The following PTPRD variants were observed in gnomAD, a reference collection of about 807,000 sequenced individuals.
The protein encoded by PTPRD is receptor-type tyrosine-protein phosphatase delta.
Under a neutral mutation model 214.5 loss-of-function variants are expected in PTPRD, and 34 were observed. The observed-to-expected ratio is 0.16, with a 90% CI of 0.12 to 0.21. PTPRD has a LOEUF of 0.21. Ranked by LOEUF, PTPRD falls within the 10% of genes least tolerant of loss-of-function variation. The pLI, the probability that PTPRD is intolerant of heterozygous loss-of-function variation, is 1.00. For synonymous variants in PTPRD, 1,128 were observed against 845.7 expected (o/e 1.33, Z -5.79); for missense variants, 2,545 against 2,398.7 (o/e 1.06, Z -1.27).
intron 30 of PTPRD, 34 bp downstream of exon 30, chr9:8,484,085 C>T (rs751868943): frequency 8.8e-6 from 14 of 1,592,376 alleles, no homozygotes; most frequent in Non-Finnish European, 1.2e-5. Context: ...ACCTATAATT[C>T]TTTCCTTCAG....
chr9:10,456,890 G>T (rs2098921832), intron 2 of PTPRD, among the ~76,000 whole-genome samples: 1 of 151,820 alleles, frequency 6.6e-6, no homozygotes, highest in Admixed American at 6.6e-5. Context: ...ACAGGTAGTA[G>T]TCCAAAAACT....
At position 9,628,815 on chromosome 9, in the gene PTPRD, A is replaced by G. The variant is rs376994438; in HGVS notation, c.-286-54034T>C. Among the ~76,000 whole-genome samples the G allele has an allele frequency of 1.2e-4, 18 of 151,950 alleles. No homozygotes were observed. The East Asian group carries it at 3.5e-3, about 29-fold the overall frequency. The stretch of plus-strand genomic sequence containing the variant: ...TTATAGGAATAAAATCATTATATAT[A>G]CTGATTTGATGTACATCAAATATAT... On this transcript the variant is annotated intron_variant, in intron 7 of 45. Coordinates refer to ENST00000381196, the MANE Select transcript of PTPRD (RefSeq NM_002839.4).
intron 4 of PTPRD, among the ~76,000 whole-genome samples, chr9:9,949,527 A>C (rs1273971711): frequency 6.6e-6 from 1 of 152,108 alleles, no homozygotes; most frequent in Non-Finnish European, 1.5e-5. Flanking sequence ...TAGGGAGTTA[A>C]TGATTTATTT....
chr9:9,479,402 T>A (rs4484751), intron 8 of PTPRD, among the ~76,000 whole-genome samples: 97,409 of 151,584 alleles, frequency 0.64, 31,372 homozygotes, highest in East Asian at 0.71. Flanking sequence ...TGTATATTTC[T>A]TGAAAACTAA....
chr9:9,965,423 A>G (rs939901738), intron 4 of PTPRD, among the ~76,000 whole-genome samples: 87 of 152,280 alleles, frequency 5.7e-4, no homozygotes, highest in African/African-American at 1.9e-3. Context: ...TTAGCAGAAA[A>G]GGGAACATCT....
intron 11 of PTPRD, among the ~76,000 whole-genome samples, chr9:8,750,998 T>C (rs1045469691): frequency 6.6e-6 from 1 of 152,212 alleles, no homozygotes; most frequent in South Asian, 2.1e-4. Context: ...TACTTGGACA[T>C]AGCCATTAAG....
chr9:8,588,407 T>C (rs2093837292), intron 14 of PTPRD, among the ~76,000 whole-genome samples: 1 of 152,156 alleles, frequency 6.6e-6, no homozygotes, highest in South Asian at 2.1e-4. Flanking sequence ...CCAAAATGTG[T>C]TTTGGAAGTT....
chr9:9,625,336 C>T (rs1021900298), intron 7 of PTPRD, among the ~76,000 whole-genome samples: 1 of 152,166 alleles, frequency 6.6e-6, no homozygotes, highest in Non-Finnish European at 1.5e-5. Context: ...GTCTGATGTG[C>T]TGCTCAAGTG....
At chr9:9,248,096 ATTT>A (rs200841402) in intron 9 of PTPRD, among the ~76,000 whole-genome samples, 7 of 150,862 alleles carry the variant, frequency 4.6e-5, no homozygotes, top group African/African-American at 7.3e-5. Context: ...ATCTATTATT[ATTT>A]TTTTTTAATT....
At chr9:9,776,757 AAAC>A (rs1473568545) in intron 5 of PTPRD, among the ~76,000 whole-genome samples, 1 of 152,186 alleles carries the variant, frequency 6.6e-6, no homozygotes, top group Admixed American at 6.5e-5. Flanking sequence ...CTTAAATTGA[AAAC>A]AAAAGGAAGA....
chr9:9,455,786 A>T (rs962886955), intron 8 of PTPRD, among the ~76,000 whole-genome samples: 1 of 151,822 alleles, frequency 6.6e-6, no homozygotes, highest in Non-Finnish European at 1.5e-5. Flanking sequence ...TTATAAAAAC[A>T]ATAAGCTACT....
intron 3 of PTPRD, among the ~76,000 whole-genome samples, chr9:10,205,717 C>T (rs113804106): frequency 1.3e-5 from 2 of 151,866 alleles, no homozygotes; most frequent in African/African-American, 2.4e-5. Context: ...CTTCATCAGC[C>T]TAAATAATAG....
chr9:9,166,039 G>A (rs1042374806), intron 10 of PTPRD, among the ~76,000 whole-genome samples: 56 of 150,786 alleles, frequency 3.7e-4, no homozygotes, highest in African/African-American at 1.4e-3. Flanking sequence ...TCCCTATGTA[G>A]GTATTAAAAA....
At chr9:9,089,151 T>G (rs2099771922) in intron 10 of PTPRD, among the ~76,000 whole-genome samples, 1 of 152,174 alleles carries the variant, frequency 6.6e-6, no homozygotes, top group South Asian at 2.1e-4. Flanking sequence ...TGGGGTGGCA[T>G]ATGTAAGATA....
chr9:9,609,906 A>C (rs2094427116), intron 7 of PTPRD, among the ~76,000 whole-genome samples: 1 of 152,258 alleles, frequency 6.6e-6, no homozygotes, highest in African/African-American at 2.4e-5. Context: ...TTATAAAAAA[A>C]TAAGAACATT....
intron 11 of PTPRD, among the ~76,000 whole-genome samples, chr9:8,929,012 G>T (rs1268860178): frequency 2.0e-5 from 3 of 152,158 alleles, no homozygotes; most frequent in African/African-American, 7.2e-5. Flanking sequence ...GTATAGGAAT[G>T]CCTGTGATTT....
chr9:9,742,465 TTGAA>T (rs1189776473), intron 6 of PTPRD, among the ~76,000 whole-genome samples: 1 of 152,178 alleles, frequency 6.6e-6, no homozygotes, highest in Non-Finnish European at 1.5e-5. Flanking sequence ...ATAATTGTAA[TTGAA>T]TGTATGATTT....
At chr9:10,519,580 C>T (rs935438047) in intron 2 of PTPRD, among the ~76,000 whole-genome samples, 6 of 152,178 alleles carry the variant, frequency 3.9e-5, no homozygotes, top group African/African-American at 1.4e-4. Flanking sequence ...CTCATTTTAT[C>T]ATGCTTCACA....
At chr9:8,930,667 G>C (rs1432769680) in intron 11 of PTPRD, among the ~76,000 whole-genome samples, 1 of 152,186 alleles carries the variant, frequency 6.6e-6, no homozygotes, top group African/African-American at 2.4e-5. Flanking sequence ...ACTGGTGTGA[G>C]ATGGTATCTC....
Sources: allele counts gnomAD v4.1 joint callset (sites outside exome capture counted in the v4.1 genomes callset), GRCh38; gene constraint gnomAD v4.1.1; transcripts MANE v1.5; gene names NCBI Gene and HGNC (gene_info 2026-07-23, HGNC 2026-07-21).